The following FAM149A variants were observed in gnomAD, a reference collection of about 807,000 sequenced individuals.
FAM149A encodes family with sequence similarity 149 member A, also known as protein FAM149A.
In FAM149A, 71 loss-of-function variants were observed where a neutral mutation model predicts 78.2. The observed-to-expected ratio is 0.91, with a 90% confidence interval of 0.75 to 1.11. FAM149A has a LOEUF of 1.11. Among genes scored for constraint, FAM149A ranks in the 50% least tolerant of loss-of-function variants. The pLI is 0.00. For missense variants in FAM149A, 1,036 were observed against 971.0 expected (o/e 1.07, Z -0.89); for synonymous variants, 446 against 410.5 (o/e 1.09, Z -1.04).
chr4:186,125,646 C>T (rs970522825), intron 1 of FAM149A: 59 of 927,284 alleles, frequency 6.4e-5, no homozygotes, highest in Middle Eastern at 5.5e-4. Context: ...GAGATCATTC[C>T]CATAAGGCAC....
At chr4:186,151,819 C>T in intron 3 of FAM149A, 84 bp from the exon 4 acceptor site, 2 of 1,542,026 alleles carry the variant, frequency 1.3e-6, no homozygotes, top group Middle Eastern at 1.7e-4. Context: ...TAGTGGGTGA[C>T]AGTAAATGTA....
At chr4:186,161,391 G>A (rs1454422877) in intron 8 of FAM149A, among the ~76,000 whole-genome samples, 1 of 152,188 alleles carries the variant, frequency 6.6e-6, no homozygotes, top group Non-Finnish European at 1.5e-5. Context: ...GCAGTGGGGA[G>A]AACAGAGCGT....
In FAM149A at chr4:186,153,731, C is replaced by G; in HGVS notation, c.1019C>G (p.Pro340Arg). ...ACTCCTGCCTCCGCAGTCCACAGAC[C>G]CCCGCTCAGTGCCTGCGGACACAGC... Residue 340 changes from proline to arginine, a missense_variant, in exon 5 of 14, where the codon CCC (proline) becomes CGC (arginine). This residue lies in a region of FAM149A where 716 missense variants were observed against 711.8 expected (regional missense o/e 1.01). Transcript: ENST00000389354. The G allele has an allele frequency of 6.2e-7, 1 of 1,613,930 alleles. No homozygotes were observed. Among genetic ancestry groups the G allele is most frequent in the Non-Finnish European group, 8.5e-7 (1 of 1,179,870 alleles).
intron 1 of FAM149A, chr4:186,125,802 A>G (rs1023321629): frequency 3.0e-6 from 3 of 985,292 alleles, no homozygotes; most frequent in Non-Finnish European, 3.6e-6. Context: ...TGAATACCCA[A>G]CCGTTTGGAA....
At chr4:186,135,068 G>C (rs993280366) in intron 1 of FAM149A, among the ~76,000 whole-genome samples, 1 of 152,216 alleles carries the variant, frequency 6.6e-6, no homozygotes, top group Non-Finnish European at 1.5e-5. Flanking sequence ...TCGCACTGCA[G>C]ACTTGCTGCA....
chr4:186,136,963 TTTCTCTC>T (rs2099323189), intron 1 of FAM149A, among the ~76,000 whole-genome samples: 1 of 103,314 alleles, frequency 9.7e-6, no homozygotes, highest in African/African-American at 4.3e-5. Context: ...TCTCTCTCTC[TTTCTCTC>T]TCTCTTTCTC....
rs750790502 is a variant in FAM149A at position 186,164,932 on chromosome 4, TTGTC to T, written c.1890-408_1890-405del. Among the ~76,000 whole-genome samples, 17 of 152,234 alleles carry T rather than the reference TTGTC, an allele frequency of 1.1e-4. No homozygotes were observed. Among genetic ancestry groups the T allele is most frequent in the Non-Finnish European group, 1.9e-4 (13 of 68,016 alleles). ...AATTGTAGTCCCACAGACAGCCTGT[TTGTC>T]TGTGTGCATAGCTGTGCTCTACACA... On this transcript the variant is annotated intron_variant, in intron 10 of 13. Coordinates refer to ENST00000389354, the MANE Select transcript of FAM149A (RefSeq NM_001367768.3). The surrounding 1 kb of genome is among the most constrained non-coding windows in gnomAD (Gnocchi z 4.0).
chr4:186,109,638 T>C, intron 1 of FAM149A: 1 of 984,540 alleles, frequency 1.0e-6, no homozygotes, highest in Non-Finnish European at 1.2e-6. Context: ...TTAATTGAAA[T>C]AATAAGTAAT....
At chr4:186,162,721 T>G in intron 8 of FAM149A, 124 bp from the exon 9 acceptor site, 1 of 619,966 alleles carries the variant, frequency 1.6e-6, no homozygotes, top group South Asian at 2.0e-5. Flanking sequence ...TATTAGTTTT[T>G]CCTCCAGTTA....
Position 186,130,293 on chromosome 4 carries a change from C to CTCTCTCTCTCTCTCTCTA in FAM149A, c.567-18879_567-18878insCTCTCTCTCTCTCTCTAT. ...TCTCTCTCTCTCTCTCTCTCTCTCT[C>CTCTCTCTCTCTCTCTCTA]TATATATATATATATATATATAATC... On this transcript the variant is annotated intron_variant, in intron 1 of 13. Coordinates refer to ENST00000389354, the MANE Select transcript of FAM149A (RefSeq NM_001367768.3). The CTCTCTCTCTCTCTCTCTA allele has an allele frequency of 3.8e-3, 179 of 46,550 alleles. 1 individual carries two copies. The highest frequency in any genetic ancestry group is 0.015 in the Middle Eastern group (1 of 68). 2.9% of individuals were successfully genotyped at this position (46,550 alleles called of 1,614,324 possible).
chr4:186,146,690 C>T (rs541780525), intron 1 of FAM149A: 9 of 763,318 alleles, frequency 1.2e-5, no homozygotes, highest in East Asian at 2.6e-4. Context: ...CTCCGTTTGG[C>T]GGTGAAAACC....
chr4:186,131,074 G>T (rs1359422786), intron 1 of FAM149A, among the ~76,000 whole-genome samples: 1 of 152,144 alleles, frequency 6.6e-6, no homozygotes, highest in Non-Finnish European at 1.5e-5. Context: ...AAGGGCAGGC[G>T]CAGTGGCTCA....
At chr4:186,163,682 A>T (rs1734795567) in intron 10 of FAM149A, 49 bp downstream of exon 10, 1 of 1,384,102 alleles carries the variant, frequency 7.2e-7, no homozygotes, top group East Asian at 2.3e-5. Context: ...GAGGACCTAG[A>T]TGCTTCTCAG....
chr4:186,161,809 T>C (rs1383935100), intron 8 of FAM149A, among the ~76,000 whole-genome samples: 2 of 152,268 alleles, frequency 1.3e-5, no homozygotes, highest in South Asian at 2.1e-4. Flanking sequence ...GTTATTCCTC[T>C]ACATATGATT....
At chr4:186,158,645 A>G in intron 8 of FAM149A, 1 of 1,083,336 alleles carries the variant, frequency 9.2e-7, no homozygotes, top group Non-Finnish European at 1.1e-6. Flanking sequence ...ACTGCCGCCC[A>G]GGTTGAGGGT....
intron 1 of FAM149A, among the ~76,000 whole-genome samples, chr4:186,136,173 G>A (rs2099322596): frequency 6.6e-6 from 1 of 152,148 alleles, no homozygotes; most frequent in East Asian, 1.9e-4. Context: ...GGAAAATTTG[G>A]CCTTATTGAT....
chr4:186,171,850 A>G (rs1440313559), intron 13 of FAM149A, 64 bp from the exon 14 acceptor site: 11 of 1,363,294 alleles, frequency 8.1e-6, no homozygotes, highest in Non-Finnish European at 1.1e-5. Context: ...GTACAAAACA[A>G]TCGTTCTGAG....
At chr4:186,124,246 T>C in intron 1 of FAM149A, 4 of 979,082 alleles carry the variant, frequency 4.1e-6, no homozygotes, top group Non-Finnish European at 4.8e-6. Flanking sequence ...ATTTTTGTTT[T>C]TTGGGTTAAT....
intron 13 of FAM149A, among the ~76,000 whole-genome samples, chr4:186,168,040 G>T (rs528097036): frequency 6.6e-6 from 1 of 152,168 alleles, no homozygotes; most frequent in Non-Finnish European, 1.5e-5. Context: ...AAATTTCAGG[G>T]ATAATTTATT....
Sources: gnomAD v4.1 joint callset for allele counts (sites outside exome capture counted in the v4.1 genomes callset) on GRCh38, gnomAD v4.1.1 for gene constraint, gnomAD v4.1.1 regional missense constraint, Gnocchi (gnomAD v3.1) non-coding constraint, MANE v1.5 for transcripts, NCBI Gene and HGNC (gene_info 2026-07-23, HGNC 2026-07-21) for gene names.